BMP2K: variants seen among roughly 807,000 people sequenced by gnomAD.
BMP2K encodes BMP2 inducible kinase, also known as BMP-2-inducible protein kinase.
A neutral mutation model predicts 116.0 loss-of-function variants in BMP2K; 74 were observed. That is an observed-to-expected ratio of 0.64 (90% CI 0.53 to 0.77). The LOEUF (loss-of-function observed/expected upper bound fraction) is 0.77, where lower values mean the gene tolerates loss of function less well. Ranked by LOEUF, BMP2K falls within the 30% of genes least tolerant of loss-of-function variation. BMP2K has a pLI of 0.00. For synonymous variants in BMP2K, 486 were observed against 502.5 expected, an observed-to-expected ratio of 0.97 and a Z score of 0.44; for missense variants, 1,365 against 1,403.6, an observed-to-expected ratio of 0.97 and a Z score of 0.44.
At chr4:78,818,672 A>C (rs1729470940) in intron 1 of BMP2K, among the ~76,000 whole-genome samples, 1 of 152,134 alleles carries the variant, frequency 6.6e-6, no homozygotes, top group Non-Finnish European at 1.5e-5. Context: ...GCAGTTAAGT[A>C]TAGTCTCCTT....
At chr4:78,811,309 A>G (rs1352695258) in intron 1 of BMP2K, among the ~76,000 whole-genome samples, 1 of 152,268 alleles carries the variant, frequency 6.6e-6, no homozygotes, top group Admixed American at 6.5e-5. Flanking sequence ...AGGGTAGGAC[A>G]GTAAACCCTT....
intron 13 of BMP2K, among the ~76,000 whole-genome samples, chr4:78,875,429 A>T (rs956276130): frequency 6.6e-6 from 1 of 152,188 alleles, no homozygotes; most frequent in Admixed American, 6.5e-5. Flanking sequence ...ATGTTAATTT[A>T]TCTTTAGTAT....
chr4:78,795,678 T>A (rs577480999), intron 1 of BMP2K, among the ~76,000 whole-genome samples: 8 of 151,906 alleles, frequency 5.3e-5, no homozygotes, highest in South Asian at 4.2e-4. Flanking sequence ...CAATGAACTC[T>A]AACAAATTTC....
chr4:78,876,151 G>A (rs1194928485), intron 13 of BMP2K, among the ~76,000 whole-genome samples: 2 of 152,182 alleles, frequency 1.3e-5, no homozygotes, highest in East Asian at 3.8e-4. Context: ...TTTGGGAATA[G>A]GAAGAGGGTG....
chr4:78,886,888 G>A (rs1489858358), intron 14 of BMP2K, among the ~76,000 whole-genome samples: 1 of 152,134 alleles, frequency 6.6e-6, no homozygotes. Context: ...CCCAAAAGTT[G>A]AGGACAAGTA....
At chr4:78,790,845 A>C (rs2109932905) in intron 1 of BMP2K, among the ~76,000 whole-genome samples, 1 of 152,208 alleles carries the variant, frequency 6.6e-6, no homozygotes, top group Admixed American at 6.5e-5. Flanking sequence ...ACAGACTAAG[A>C]TCCTGTGTCT....
chr4:78,886,578 C>A (rs1391366354), intron 14 of BMP2K, among the ~76,000 whole-genome samples: 1 of 152,040 alleles, frequency 6.6e-6, no homozygotes, highest in Admixed American at 6.5e-5. Context: ...ATAGTAGATA[C>A]TAAAATTTAC....
intron 14 of BMP2K, among the ~76,000 whole-genome samples, chr4:78,885,000 A>T (rs572939916): frequency 6.6e-6 from 1 of 152,356 alleles, no homozygotes; most frequent in African/African-American, 2.4e-5. Flanking sequence ...TTAAGTATAC[A>T]GTTAATATCT....
intron 1 of BMP2K, chr4:78,820,937 T>G (rs1470908741): frequency 1.3e-5 from 2 of 152,570 alleles, no homozygotes; most frequent in Non-Finnish European, 2.9e-5. Context: ...TTTCCCTAAT[T>G]TTATCTTCTA....
intron 15 of BMP2K, among the ~76,000 whole-genome samples, chr4:78,894,626 CTCCATA>C (rs1298657683): frequency 6.6e-6 from 1 of 152,228 alleles, no homozygotes; most frequent in East Asian, 1.9e-4. Context: ...TTAAAATTTT[CTCCATA>C]TCAGCAGTAA....
intron 1 of BMP2K, among the ~76,000 whole-genome samples, chr4:78,788,606 T>TA (rs769052580): frequency 2.0e-5 from 3 of 152,144 alleles, no homozygotes; most frequent in South Asian, 4.1e-4. Context: ...TACTTGTTTT[T>TA]ATTTTTAAAC....
chr4:78,842,870 C>T (rs1437049970), intron 4 of BMP2K, among the ~76,000 whole-genome samples: 1 of 152,010 alleles, frequency 6.6e-6, no homozygotes, highest in Non-Finnish European at 1.5e-5. Flanking sequence ...GTTCAGCCAG[C>T]ATTTCTCCTA....
chr4:78,856,811 A>G (rs553150870), intron 7 of BMP2K, among the ~76,000 whole-genome samples: 11 of 152,154 alleles, frequency 7.2e-5, no homozygotes, highest in Non-Finnish European at 1.3e-4. Flanking sequence ...AAAACCTTAG[A>G]CTTCTTCCAC....
intron 1 of BMP2K, among the ~76,000 whole-genome samples, chr4:78,778,789 T>C (rs1008185053): frequency 4.6e-5 from 7 of 152,226 alleles, no homozygotes; most frequent in African/African-American, 1.7e-4. Context: ...CAATAATTGA[T>C]GGGTCTGCCT....
intron 15 of BMP2K, among the ~76,000 whole-genome samples, chr4:78,889,185 C>T (rs1386505073): frequency 2.2e-5 from 3 of 139,356 alleles, no homozygotes; most frequent in Non-Finnish European, 4.5e-5. Context: ...CGTGCCAGTG[C>T]ACTCCAACCT....
chr4:78,888,995 G>A (rs1399478848), intron 15 of BMP2K, among the ~76,000 whole-genome samples: 5 of 152,190 alleles, frequency 3.3e-5, no homozygotes, highest in African/African-American at 1.2e-4. Flanking sequence ...GCCAAGGCAG[G>A]CGGATCATGA....
intron 1 of BMP2K, among the ~76,000 whole-genome samples, chr4:78,778,269 CTCACTACCCTAAGCATATCTTA>C (rs1727341826): frequency 6.6e-6 from 1 of 152,180 alleles, no homozygotes; most frequent in Admixed American, 6.5e-5. Flanking sequence ...ACTTGTATTA[CTCACTACCCTAAGCATATCTTA>C]TCACTACCCT....
chr4:78,793,018 G>A (rs2109937269), intron 1 of BMP2K, among the ~76,000 whole-genome samples: 1 of 152,276 alleles, frequency 6.6e-6, no homozygotes, highest in Non-Finnish European at 1.5e-5. Context: ...GAATCCAACA[G>A]TCTTCTATTA....
Position 78,859,600 on chromosome 4 carries a change from A to G in BMP2K, c.900A>G (p.Pro300=), listed in dbSNP as rs200914321. Residue 300 remains proline, a synonymous_variant, in exon 8 of 16, where the codon CCA becomes CCG. Coordinates refer to ENST00000502613, the MANE Select transcript of BMP2K (RefSeq NM_198892.2). ...IHCLIRFMLE[P]DPEHRPDIFQ... is the part of the protein sequence containing the mutation. ...TTCTTGCAGGGTTCATGCTTGAACC[A>G]GATCCGGAACATAGACCTGATATAT... The G allele has an allele frequency of 9.2e-5, 148 of 1,608,862 alleles. 1 individual carries two copies. The Middle Eastern group carries it at 2.3e-3, about 25-fold the overall frequency.
Sources: gnomAD v4.1 joint callset for allele counts (sites outside exome capture counted in the v4.1 genomes callset) on GRCh38, gnomAD v4.1.1 for gene constraint, MANE v1.5 for transcripts, NCBI Gene and HGNC (gene_info 2026-07-23, HGNC 2026-07-21) for gene names.